The following MEI4 variants were observed in gnomAD, a reference collection of about 807,000 sequenced individuals.
The protein encoded by MEI4 is meiosis-specific protein MEI4.
MEI4 carries 27 observed loss-of-function variants against 31.4 expected under a neutral mutation model. The ratio of observed to expected loss-of-function variants is 0.86; its 90% CI spans 0.63 to 1.19. MEI4 has a LOEUF of 1.19. Among genes scored for constraint, MEI4 ranks in the 50% most tolerant of loss-of-function variants. The probability of loss-of-function intolerance (pLI) is 0.00; values close to 1 mark genes in which losing one functional copy is unlikely to be tolerated. For synonymous variants in MEI4, 122 were observed against 145.4 expected, an observed-to-expected ratio of 0.84 and a Z score of 1.16; for missense variants, 329 against 398.9, an observed-to-expected ratio of 0.82 and a Z score of 1.49.
intron 3 of MEI4, among the ~76,000 whole-genome samples, chr6:77,815,091 C>A (rs1192033250): frequency 6.6e-6 from 1 of 152,030 alleles, no homozygotes; most frequent in Non-Finnish European, 1.5e-5. Flanking sequence ...ACTTTTTAAG[C>A]TCTTTGACAA....
At chr6:77,753,563 G>A (rs752038696) in intron 2 of MEI4, among the ~76,000 whole-genome samples, 10 of 152,104 alleles carry the variant, frequency 6.6e-5, no homozygotes, top group African/African-American at 1.7e-4. Context: ...ATCACTTCAC[G>A]CCAGTTAGAA....
At chr6:77,883,735 T>TAC (rs1562025143) in intron 4 of MEI4, among the ~76,000 whole-genome samples, 2 of 116,740 alleles carry the variant, frequency 1.7e-5, no homozygotes, top group Admixed American at 8.9e-5. Flanking sequence ...TATATATATA[T>TAC]ATATATATAA....
At chr6:77,864,609 T>C (rs1185126713) in intron 4 of MEI4, among the ~76,000 whole-genome samples, 2 of 152,176 alleles carry the variant, frequency 1.3e-5, no homozygotes, top group Non-Finnish European at 2.9e-5. Context: ...CAAAGAGACT[T>C]AGACTCCCAT....
intron 2 of MEI4, among the ~76,000 whole-genome samples, chr6:77,746,428 C>G (rs966915321): frequency 2.0e-5 from 3 of 152,122 alleles, no homozygotes; most frequent in African/African-American, 7.2e-5. Flanking sequence ...GGGGACTCCT[C>G]TTGCTCGAAT....
Position 77,765,065 on chromosome 6 carries a change from G to C in MEI4, c.768+3400G>C, listed in dbSNP as rs115126055. Among the ~76,000 whole-genome samples the C allele has an allele frequency of 5.9e-3, 901 of 152,228 alleles. 11 individuals are homozygous for C. The highest frequency in any genetic ancestry group is 0.021 in the African/African-American group (866 of 41,548). On this transcript the variant is annotated intron_variant, in intron 3 of 4. Transcript: ENST00000684080. Reference sequence around the variant, plus strand: ...GCACAGTGATCAATAGCTCGAATTAGAATTCTGAAGCTTTTACTCAATAGC... The same window carrying C: ...GCACAGTGATCAATAGCTCGAATTACAATTCTGAAGCTTTTACTCAATAGC...
intron 3 of MEI4, among the ~76,000 whole-genome samples, chr6:77,775,923 T>A (rs1194384329): frequency 6.6e-6 from 1 of 152,198 alleles, no homozygotes; most frequent in Non-Finnish European, 1.5e-5. Flanking sequence ...GGTTTTGATT[T>A]GCGCTTCCCT....
At position 77,815,850 on chromosome 6, in the gene MEI4, T is replaced by C. The variant is rs1769676722; in HGVS notation, c.769-13081T>C. Among the ~76,000 whole-genome samples the C allele has an allele frequency of 2.0e-5, 3 of 151,504 alleles. No individual in the cohort carries two copies. The South Asian group carries it at 6.2e-4, about 31-fold the overall frequency. ...GATAACTAAGCAGAAAAACTGACAA[T>C]TGTGAAAATTAAGAACATGACTTGA... On this transcript the variant is annotated intron_variant, in intron 3 of 4. Coordinates refer to ENST00000684080, the MANE Select transcript of MEI4 (RefSeq NM_001322247.2).
intron 3 of MEI4, among the ~76,000 whole-genome samples, chr6:77,767,337 A>C (rs1402663497): frequency 6.6e-6 from 1 of 151,912 alleles, no homozygotes; most frequent in African/African-American, 2.4e-5. Flanking sequence ...CCAAGACTGC[A>C]CCACTGCACT....
chr6:77,810,804 A>G (rs1473609529), intron 3 of MEI4, among the ~76,000 whole-genome samples: 1 of 152,080 alleles, frequency 6.6e-6, no homozygotes, highest in Non-Finnish European at 1.5e-5. Context: ...AAACAGCAGT[A>G]TTTATTCTTG....
intron 4 of MEI4, among the ~76,000 whole-genome samples, chr6:77,874,940 A>T (rs1401730205): frequency 1.3e-5 from 2 of 152,236 alleles, no homozygotes; most frequent in African/African-American, 4.8e-5. Context: ...CTAGAAAGGC[A>T]GGAAGTTTAA....
intron 4 of MEI4, among the ~76,000 whole-genome samples, chr6:77,914,940 G>A (rs528809279): frequency 1.6e-4 from 25 of 152,022 alleles, no homozygotes; most frequent in African/African-American, 4.1e-4. Flanking sequence ...CAGTCTATAT[G>A]TGTCTTTACA....
At chr6:77,759,572 C>T (rs1476256594) in intron 2 of MEI4, among the ~76,000 whole-genome samples, 1 of 152,146 alleles carries the variant, frequency 6.6e-6, no homozygotes, top group African/African-American at 2.4e-5. Flanking sequence ...TTTGGCAGCA[C>T]CATAATCTAC....
chr6:77,703,960 A>C (rs1766277770), intron 2 of MEI4, among the ~76,000 whole-genome samples: 1 of 152,122 alleles, frequency 6.6e-6, no homozygotes, highest in African/African-American at 2.4e-5. Context: ...GTGCAAATGG[A>C]AGGACAGCAT....
chr6:77,660,404 T>C (rs1581997037), intron 1 of MEI4, among the ~76,000 whole-genome samples: 1 of 152,118 alleles, frequency 6.6e-6, no homozygotes. Flanking sequence ...AGAGTGGCAG[T>C]TTGGGGATAG....
In MEI4 at chr6:77,792,965, G is replaced by A. The variant is rs150449640; in HGVS notation, c.768+31300G>A. 6.8e-3 allele frequency among the ~76,000 whole-genome samples: 1,029 copies of A among 152,290 alleles called. 9 individuals carry two copies. Among genetic ancestry groups the A allele is most frequent in the African/African-American group, 0.023 (939 of 41,560 alleles). On this transcript the variant is annotated intron_variant, in intron 3 of 4. Coordinates refer to ENST00000684080, the MANE Select transcript of MEI4 (RefSeq NM_001322247.2). ...CTGACCTCGTGATCCGCCTGCCTCA[G>A]CCTCCCAAAGTGCTGGGATTACAGG...
rs1022204857 is a variant in MEI4 at position 77,701,768 on chromosome 6, T to C, written c.232+10865T>C. Among the ~76,000 whole-genome samples, 3 of 152,104 alleles carry C rather than the reference T, an allele frequency of 2.0e-5. No homozygotes were observed. In the South Asian group the frequency reaches 6.2e-4, roughly 32 times the overall value. On this transcript the variant is annotated intron_variant, in intron 2 of 4. Coordinates refer to ENST00000684080, the MANE Select transcript of MEI4 (RefSeq NM_001322247.2). Reference sequence around the variant, plus strand: ...AACTAAATTAATTCATTGATGTACATGTTTATTTAGTAAATGTTTATTAAT... The same window carrying C: ...AACTAAATTAATTCATTGATGTACACGTTTATTTAGTAAATGTTTATTAAT...
chr6:77,863,675 A>T (rs532389547), intron 4 of MEI4, among the ~76,000 whole-genome samples: 1 of 152,312 alleles, frequency 6.6e-6, no homozygotes, highest in South Asian at 2.1e-4. Context: ...AATCCAGGAG[A>T]ACTTCCCCAA....
At chr6:77,735,462 C>T (rs1330146642) in intron 2 of MEI4, among the ~76,000 whole-genome samples, 14 of 152,140 alleles carry the variant, frequency 9.2e-5, no homozygotes, top group African/African-American at 2.9e-4. Flanking sequence ...ACGTAGTTCT[C>T]GAGCCTTGGT....
chr6:77,865,790 A>T (rs6454013), intron 4 of MEI4, among the ~76,000 whole-genome samples: 21,301 of 152,150 alleles, frequency 0.14, 1,774 homozygotes, highest in East Asian at 0.39. Flanking sequence ...AGAGAATTTT[A>T]GACCAATACC....
Sources: gnomAD v4.1 joint callset for allele counts (sites outside exome capture counted in the v4.1 genomes callset) on GRCh38, gnomAD v4.1.1 for gene constraint, MANE v1.5 for transcripts, NCBI Gene and HGNC (gene_info 2026-07-23, HGNC 2026-07-21) for gene names.